Variants in ZNF385D observed in about 807,000 individuals in gnomAD.
ZNF385D encodes zinc finger protein 659.
A neutral mutation model predicts 35.8 loss-of-function variants in ZNF385D; 15 were observed. The ratio of observed to expected loss-of-function variants is 0.42; its 90% CI spans 0.28 to 0.64. The LOEUF is 0.64. Among genes scored for constraint, ZNF385D ranks in the 30% least tolerant of loss-of-function variants. The pLI, the probability that ZNF385D is intolerant of heterozygous loss-of-function variation, is 0.23. For synonymous variants in ZNF385D, 212 were observed against 186.8 expected (o/e 1.13, Z -1.10); for missense variants, 474 against 494.6 (o/e 0.96, Z 0.39).
At chr3:21,877,440 G>C (rs1263629195) in intron 3 of ZNF385D, among the ~76,000 whole-genome samples, 2 of 152,084 alleles carry the variant, frequency 1.3e-5, no homozygotes, top group East Asian at 3.9e-4. Context: ...AAACGTGTTA[G>C]ATTAGAAGGA....
At chr3:22,214,974 CAG>C (rs748117711) in intron 2 of ZNF385D, among the ~76,000 whole-genome samples, 87 of 152,064 alleles carry the variant, frequency 5.7e-4, no homozygotes, top group Non-Finnish European at 1.1e-3. Context: ...TTTTACGGCT[CAG>C]GGGGCATCAC....
intron 3 of ZNF385D, among the ~76,000 whole-genome samples, chr3:22,074,708 A>G (rs1308062688): frequency 1.3e-5 from 2 of 151,904 alleles, no homozygotes; most frequent in Admixed American, 6.6e-5. Flanking sequence ...CCTCACATAT[A>G]CATCATTGAA....
chr3:22,190,347 C>T (rs1199632899), intron 2 of ZNF385D, among the ~76,000 whole-genome samples: 2 of 152,124 alleles, frequency 1.3e-5, no homozygotes, highest in African/African-American at 2.4e-5. Context: ...GATGACAGTG[C>T]ATTTACAAGA....
intron 3 of ZNF385D, among the ~76,000 whole-genome samples, chr3:22,086,376 T>G (rs1248096629): frequency 1.3e-5 from 2 of 151,418 alleles, no homozygotes; most frequent in Non-Finnish European, 3.0e-5. Context: ...AAAATCAATG[T>G]GCAAAAATCA....
chr3:21,903,153 C>G (rs1009918600), intron 3 of ZNF385D, among the ~76,000 whole-genome samples: 1 of 152,166 alleles, frequency 6.6e-6, no homozygotes, highest in Non-Finnish European at 1.5e-5. Flanking sequence ...TCAACTAAAT[C>G]TCCCGGTCAT....
At chr3:22,111,152 A>ATTTTTTTTTTTTT (rs61708178) in intron 3 of ZNF385D, among the ~76,000 whole-genome samples, 12 of 68,978 alleles carry the variant, frequency 1.7e-4, no homozygotes, top group Non-Finnish European at 3.1e-4. Flanking sequence ...TCCATGTTGG[A>ATTTTTTTTTTTTT]TTTTTTTTTT....
intron 3 of ZNF385D, among the ~76,000 whole-genome samples, chr3:22,020,400 A>C (rs552787804): frequency 6.6e-6 from 1 of 151,968 alleles, no homozygotes; most frequent in Non-Finnish European, 1.5e-5. Context: ...ATAAGACAAG[A>C]TAAGTTCTGT....
At chr3:21,543,209 G>A (rs1382437875) in intron 3 of ZNF385D, among the ~76,000 whole-genome samples, 1 of 152,170 alleles carries the variant, frequency 6.6e-6, no homozygotes, top group Admixed American at 6.5e-5. Flanking sequence ...TACACAGGGG[G>A]CTGAGGCAGG....
chr3:22,196,713 A>C (rs1696446349), intron 2 of ZNF385D, among the ~76,000 whole-genome samples: 1 of 152,020 alleles, frequency 6.6e-6, no homozygotes, highest in Admixed American at 6.6e-5. Flanking sequence ...TACGTCATTT[A>C]TTACAATTCT....
intron 3 of ZNF385D, among the ~76,000 whole-genome samples, chr3:22,044,188 T>A (rs1698824231): frequency 6.6e-6 from 1 of 151,944 alleles, no homozygotes; most frequent in Admixed American, 6.6e-5. Flanking sequence ...AAGTACTCCT[T>A]AAAGATGAAT....
At chr3:21,919,647 CTTTG>C (rs1395641438) in intron 3 of ZNF385D, among the ~76,000 whole-genome samples, 1 of 152,156 alleles carries the variant, frequency 6.6e-6, no homozygotes, top group Non-Finnish European at 1.5e-5. Context: ...CTAGAATTAG[CTTTG>C]TTTAACTCAG....
chr3:22,313,691 T>C (rs1396883719), intron 2 of ZNF385D, among the ~76,000 whole-genome samples: 2 of 152,182 alleles, frequency 1.3e-5, no homozygotes, highest in African/African-American at 4.8e-5. Flanking sequence ...AAATCATCTA[T>C]AAAGATAGGG....
At chr3:22,314,819 G>A (rs1307293867) in intron 2 of ZNF385D, among the ~76,000 whole-genome samples, 1 of 152,056 alleles carries the variant, frequency 6.6e-6, no homozygotes. Context: ...AATTGACTAG[G>A]CCTGGACTAT....
intron 3 of ZNF385D, among the ~76,000 whole-genome samples, chr3:22,048,482 C>T (rs781557524): frequency 6.6e-6 from 1 of 152,114 alleles, no homozygotes; most frequent in Non-Finnish European, 1.5e-5. Flanking sequence ...GTTTTCCCAG[C>T]CCGATTTGTT....
chr3:22,219,192 TTTGA>T (rs1698087658), intron 2 of ZNF385D, among the ~76,000 whole-genome samples: 1 of 152,150 alleles, frequency 6.6e-6, no homozygotes, highest in South Asian at 2.1e-4. Flanking sequence ...CATATTATTC[TTTGA>T]TTATTTGTCA....
chr3:21,973,854 G>A (rs1703427323), intron 3 of ZNF385D, among the ~76,000 whole-genome samples: 2 of 151,216 alleles, frequency 1.3e-5, no homozygotes, highest in African/African-American at 4.9e-5. Flanking sequence ...AAATATCTGG[G>A]AATAAAACAA....
Position 21,678,376 on chromosome 3 carries a change from C to T in ZNF385D, c.23-13348G>A, listed in dbSNP as rs1210894832. On this transcript the variant is annotated intron_variant, in intron 1 of 7. Transcript: ENST00000281523. ...TGACCTGGTAAATCTACCTGAGATT[C>T]GCTCATGATTCCAATGTGACTGAAT... is the stretch of plus-strand genomic sequence containing the variant. Among the ~76,000 whole-genome samples the T allele has an allele frequency of 1.3e-5, 2 of 152,048 alleles. 1 individual carries two copies. Among genetic ancestry groups the T allele is most frequent in the Admixed American group, 1.3e-4 (2 of 15,234 alleles).
intron 3 of ZNF385D, among the ~76,000 whole-genome samples, chr3:21,782,252 C>A (rs946852517): frequency 1.3e-5 from 2 of 152,060 alleles, no homozygotes; most frequent in Non-Finnish European, 2.9e-5. Context: ...TTAGTAGTGC[C>A]GGCCAAGTGG....
At chr3:21,898,189 G>A (rs1699231314) in intron 3 of ZNF385D, among the ~76,000 whole-genome samples, 2 of 152,080 alleles carry the variant, frequency 1.3e-5, no homozygotes, top group Non-Finnish European at 2.9e-5. Context: ...TGCACAATAA[G>A]GAGATAAAAT....
Sources: allele counts gnomAD v4.1 joint callset (sites outside exome capture counted in the v4.1 genomes callset), GRCh38; gene constraint gnomAD v4.1.1; transcripts MANE v1.5; gene names NCBI Gene and HGNC (gene_info 2026-07-23, HGNC 2026-07-21).